Variants in MIGA1 observed in about 807,000 individuals in gnomAD.
MIGA1 encodes the protein mitoguardin 1, also known as family with sequence similarity 73, member A.
Under a neutral mutation model 82.0 loss-of-function variants are expected in MIGA1, and 58 were observed. That is an observed-to-expected ratio of 0.71 (90% CI 0.57 to 0.88). MIGA1 has a LOEUF of 0.88. MIGA1 is among the 40% of genes least tolerant of loss of function. The pLI, the probability that MIGA1 is intolerant of heterozygous loss-of-function variation, is 0.00. For synonymous variants in MIGA1, 249 were observed against 253.6 expected, an observed-to-expected ratio of 0.98 and a Z score of 0.17; for missense variants, 751 against 749.1, an observed-to-expected ratio of 1.00 and a Z score of -0.03.
At chr1:77,846,394 T>C (rs1263188158) in intron 8 of MIGA1, among the ~76,000 whole-genome samples, 3 of 152,134 alleles carry the variant, frequency 2.0e-5, no homozygotes, top group African/African-American at 7.2e-5. Flanking sequence ...CAGAGAGCAG[T>C]TTTTAGCTGT....
intron 7 of MIGA1, among the ~76,000 whole-genome samples, chr1:77,818,607 A>G (rs1683671932): frequency 6.6e-6 from 1 of 152,134 alleles, no homozygotes; most frequent in African/African-American, 2.4e-5. Context: ...ATGAAATTAG[A>G]TGATGGCTAA....
intron 5 of MIGA1, chr1:77,811,100 T>G: frequency 1.2e-6 from 2 of 1,602,604 alleles, no homozygotes; most frequent in Admixed American, 1.7e-5. Flanking sequence ...TCAACATGCT[T>G]CTGGAGCTCA....
At chr1:77,783,456 C>A in intron 2 of MIGA1, 105 bp downstream of exon 2, 1 of 547,764 alleles carries the variant, frequency 1.8e-6, no homozygotes, top group South Asian at 6.1e-5. Context: ...ATAGTACAGT[C>A]AAAATATTTA....
rs775087564 is a variant in MIGA1, at chr1:77,813,788, G to T, written c.692G>T (p.Arg231Leu). 6.2e-7 allele frequency: 1 copy of T among 1,614,152 alleles called. No homozygotes were observed. The highest frequency in any genetic ancestry group is 8.5e-7 in the Non-Finnish European group (1 of 1,179,992). Residue 231 changes from arginine (R) to leucine (L), a missense_variant, in exon 6 of 16, where the codon CGC becomes CTC. Coordinates refer to ENST00000370791, the MANE Select transcript of MIGA1 (RefSeq NM_198549.4). The stretch of plus-strand genomic sequence containing the variant: ...CGATGGGAACAAGCTCTGACCTTTC[G>T]CAATAGACAGGCTGAAGATGAAGCC...
chr1:77,878,427 A>AAAAT lies in MIGA1; in HGVS notation c.*3363_*3364insAAAT. The AAAAT allele has an allele frequency of 6.9e-6, 1 of 145,378 alleles. No homozygotes were observed. Among genetic ancestry groups the AAAAT allele is most frequent in the African/African-American group, 2.5e-5 (1 of 39,874 alleles). The allele number at this position is 145,378 out of a possible 1,614,324, so 9.0% of individuals were successfully genotyped here. ...AAAAAAAAAAAAAAAAAAAAGACAT[A>AAAAT]TGTAACGGTTTCCATTTGCCTTAAA... On this transcript the variant is annotated 3_prime_UTR_variant, in exon 16 of 16. Coordinates refer to ENST00000370791, the MANE Select transcript of MIGA1 (RefSeq NM_198549.4).
intron 2 of MIGA1, among the ~76,000 whole-genome samples, chr1:77,792,426 G>T (rs1242302727): frequency 2.0e-5 from 3 of 152,206 alleles, no homozygotes; most frequent in African/African-American, 7.2e-5. Flanking sequence ...AGTTAGGTAA[G>T]TGTGCATGGT....
rs1057208103 is a variant in MIGA1, at chr1:77,780,912, T to C, written c.81+1176T>C. 4.7e-5 allele frequency among the ~76,000 whole-genome samples: 7 copies of C among 149,802 alleles called. No individual in the cohort carries two copies. The East Asian group carries it at 5.8e-4, about 12-fold the overall frequency. On this transcript the variant is annotated intron_variant, in intron 1 of 15. Coordinates refer to ENST00000370791, the MANE Select transcript of MIGA1 (RefSeq NM_198549.4). Reference sequence around the variant, plus strand: ...TCATAATATTTTTTCTTTTTTCTTTTTTTTTTTTTTTTGAGGCGGAGTCTG... The same window carrying C: ...TCATAATATTTTTTCTTTTTTCTTTCTTTTTTTTTTTTGAGGCGGAGTCTG...
rs1557944856 is a variant in MIGA1 at position 77,877,806 on chromosome 1, G to A, written c.*2742G>A. On this transcript the variant is annotated 3_prime_UTR_variant, in exon 16 of 16. Transcript: ENST00000370791. ...GATAAGATGAATGGCTTTCTAGAAG[G>A]TGTTGCTTTTTGTTTTTTCTTTTTC... 6.6e-6 allele frequency: 1 copy of A among 152,640 alleles called. No homozygotes were observed. Among genetic ancestry groups the A allele is most frequent in the African/African-American group, 2.4e-5 (1 of 41,454 alleles). 9.5% of individuals were successfully genotyped at this position (152,640 alleles called of 1,614,324 possible).
intron 14 of MIGA1, 83 bp from the exon 15 acceptor site, chr1:77,872,921 G>A: frequency 6.4e-7 from 1 of 1,560,526 alleles, no homozygotes; most frequent in Non-Finnish European, 8.7e-7. Flanking sequence ...GTCATATAAT[G>A]AATAGCAACT....
rs139719818 is a variant in MIGA1, at chr1:77,789,250, C to T, written c.195+5899C>T. ...TGAGACGAGGTCTTGCTTTGTTGCC[C>T]GGGCTGCAAATCCCGGCAGTAAGTC... On this transcript the variant is annotated intron_variant, in intron 2 of 15. Coordinates refer to ENST00000370791, the MANE Select transcript of MIGA1 (RefSeq NM_198549.4). 6.5e-4 allele frequency among the ~76,000 whole-genome samples: 96 copies of T among 147,888 alleles called. 2 individuals are homozygous for T. In the East Asian group the frequency reaches 0.015, roughly 24 times the overall value.
intron 2 of MIGA1, among the ~76,000 whole-genome samples, chr1:77,783,842 G>A (rs1307384536): frequency 6.6e-6 from 1 of 151,958 alleles, no homozygotes; most frequent in Non-Finnish European, 1.5e-5. Flanking sequence ...CCTCCTTCCC[G>A]TCATTCCCCA....
In MIGA1 at chr1:77,866,464, T is replaced by A. The variant is rs1163921730; in HGVS notation, c.1563+73T>A. On this transcript the variant is annotated intron_variant, in intron 14 of 15. Transcript: ENST00000370791. ...TCTGTCAAAGCAGCTTCTGAGTCAC[T>A]TCTCCGGTGGGAATTGGCAGCTGTA... The A allele has an allele frequency of 2.8e-6, 4 of 1,424,178 alleles. No homozygotes were observed. In the African/African-American group the frequency reaches 5.6e-5, roughly 20 times the overall value. The allele number at this position is 1,424,178 out of a possible 1,614,324, so 88.2% of individuals were successfully genotyped here.
chr1:77,869,297 T>C (rs1373556723), intron 14 of MIGA1, among the ~76,000 whole-genome samples: 5 of 141,830 alleles, frequency 3.5e-5, no homozygotes, highest in African/African-American at 1.3e-4. Flanking sequence ...GGCAGAAGAA[T>C]TTTTCTTAGT....
At chr1:77,842,694 C>A (rs1378950574) in intron 7 of MIGA1, among the ~76,000 whole-genome samples, 1 of 152,058 alleles carries the variant, frequency 6.6e-6, no homozygotes, top group Non-Finnish European at 1.5e-5. Context: ...ACTACAGGTG[C>A]GCACCTGGCT....
intron 8 of MIGA1, among the ~76,000 whole-genome samples, chr1:77,857,651 T>G (rs984168347): frequency 2.0e-5 from 3 of 151,754 alleles, no homozygotes; most frequent in Non-Finnish European, 1.5e-5. Flanking sequence ...GCACTACAGC[T>G]TGGGTGACAG....
At chr1:77,783,979 A>G (rs1054888417) in intron 2 of MIGA1, among the ~76,000 whole-genome samples, 2 of 152,172 alleles carry the variant, frequency 1.3e-5, no homozygotes, top group African/African-American at 2.4e-5. Context: ...ATGTTGTAGC[A>G]TATGTCAGCA....
chr1:77,792,197 G>T (rs1682455141), intron 2 of MIGA1, among the ~76,000 whole-genome samples: 1 of 152,296 alleles, frequency 6.6e-6, no homozygotes, highest in South Asian at 2.1e-4. Flanking sequence ...ACTTGGTATG[G>T]GAAACATAAG....
intron 13 of MIGA1, 112 bp from the exon 14 acceptor site, chr1:77,866,226 A>G: frequency 1.0e-6 from 1 of 956,418 alleles, no homozygotes; most frequent in East Asian, 2.6e-5. Context: ...ACTAGTTCTT[A>G]TTAGTAATGA....
chr1:77,805,331 C>T (rs901388667), intron 4 of MIGA1, among the ~76,000 whole-genome samples: 1 of 151,748 alleles, frequency 6.6e-6, no homozygotes, highest in African/African-American at 2.4e-5. Context: ...TATAGCTGCC[C>T]TATTCTGTAA....
Sources: allele counts gnomAD v4.1 joint callset (sites outside exome capture counted in the v4.1 genomes callset), GRCh38; gene constraint gnomAD v4.1.1; transcripts MANE v1.5; gene names NCBI Gene and HGNC (gene_info 2026-07-23, HGNC 2026-07-21).